The following APBA1 variants were observed in gnomAD, a reference collection of about 807,000 sequenced individuals.
APBA1 encodes amyloid-beta A4 precursor protein-binding family A member 1.
APBA1 carries 55 observed loss-of-function variants against 86.6 expected under a neutral mutation model. The observed-to-expected ratio is 0.64, with a 90% CI of 0.51 to 0.80. APBA1 has a LOEUF of 0.80. Among genes scored for constraint, APBA1 ranks in the 30% least tolerant of loss-of-function variants. The probability of loss-of-function intolerance (pLI) is 0.00; values close to 1 mark genes in which losing one functional copy is unlikely to be tolerated. For synonymous variants in APBA1, 511 were observed against 493.9 expected (o/e 1.03, Z -0.46); for missense variants, 1,090 against 1,183.0 (o/e 0.92, Z 1.15).
At position 69,636,824 on chromosome 9, in the gene APBA1, A is replaced by G. The variant is rs867219182; in HGVS notation, c.-70+35329T>C. ...AAAGAAGAGAGAGAGAGAGAGAGAG[A>G]GAGAGAGGGAGGGAGGGAGGGAGGG... On this transcript the variant is annotated intron_variant, in intron 1 of 12. Coordinates refer to ENST00000265381, the MANE Select transcript of APBA1 (RefSeq NM_001163.4). 3.9e-3 allele frequency among the ~76,000 whole-genome samples: 158 copies of G among 40,594 alleles called. 1 individual carries two copies. The highest frequency in any genetic ancestry group is 0.013 in the African/African-American group (143 of 11,098). The allele number at this position is 40,594 out of a possible 152,430, so 26.6% of individuals were successfully genotyped here.
At chr9:69,437,069 TG>T (rs916609116) in intron 11 of APBA1, among the ~76,000 whole-genome samples, 9 of 151,918 alleles carry the variant, frequency 5.9e-5, no homozygotes, top group African/African-American at 2.2e-4. Flanking sequence ...GTTTATATGA[TG>T]GATTATGTTA....
At chr9:69,566,625 G>C (rs1837030788) in intron 1 of APBA1, among the ~76,000 whole-genome samples, 1 of 152,048 alleles carries the variant, frequency 6.6e-6, no homozygotes, top group Non-Finnish European at 1.5e-5. Context: ...GCATGATTTG[G>C]CTCCTGGCTT....
chr9:69,649,642 C>T lies in APBA1; in HGVS notation c.-70+22511G>A, dbSNP rs763252905. Among the ~76,000 whole-genome samples the T allele has an allele frequency of 5.4e-4, 82 of 152,272 alleles. 1 individual carries two copies. The highest frequency in any genetic ancestry group is 9.3e-4 in the Non-Finnish European group (63 of 68,036). ...GCTCTGCTCCCATCCACCCCCGGGG[C>T]CTTGCATGGGGCTGACACACAGTTG... On this transcript the variant is annotated intron_variant, in intron 1 of 12. Transcript: ENST00000265381.
intron 2 of APBA1, among the ~76,000 whole-genome samples, chr9:69,504,046 C>A (rs3897966): frequency 2.0e-5 from 3 of 152,134 alleles, no homozygotes; most frequent in African/African-American, 7.2e-5. Flanking sequence ...TCAAACTGAA[C>A]TGAAGATAGA....
At chr9:69,501,781 T>C (rs898891428) in intron 2 of APBA1, among the ~76,000 whole-genome samples, 3 of 151,894 alleles carry the variant, frequency 2.0e-5, no homozygotes, top group African/African-American at 7.3e-5. Flanking sequence ...TGAGCTAGGA[T>C]TGTATCCTTG....
intron 1 of APBA1, among the ~76,000 whole-genome samples, chr9:69,534,133 C>T (rs1243963348): frequency 6.6e-6 from 1 of 152,140 alleles, no homozygotes; most frequent in African/African-American, 2.4e-5. Flanking sequence ...TTCTTTTCTA[C>T]CTAAAGAACA....
At chr9:69,579,639 G>C (rs1343314152) in intron 1 of APBA1, among the ~76,000 whole-genome samples, 3 of 152,202 alleles carry the variant, frequency 2.0e-5, no homozygotes, top group Non-Finnish European at 4.4e-5. Flanking sequence ...AACCCAGGCA[G>C]TCTGGATTTT....
chr9:69,556,824 A>G (rs1836868174), intron 1 of APBA1, among the ~76,000 whole-genome samples: 1 of 152,164 alleles, frequency 6.6e-6, no homozygotes, highest in African/African-American at 2.4e-5. Flanking sequence ...AAATTAGCAA[A>G]CATTCAGCTA....
chr9:69,523,518 T>TATATATAC (rs1836294911), intron 1 of APBA1, among the ~76,000 whole-genome samples: 1 of 40,596 alleles, frequency 2.5e-5, no homozygotes, highest in African/African-American at 6.7e-5. Flanking sequence ...TATATATATA[T>TATATATAC]ATATATATAT....
chr9:69,563,022 A>C (rs369406836), intron 1 of APBA1, among the ~76,000 whole-genome samples: 3 of 152,210 alleles, frequency 2.0e-5, no homozygotes, highest in African/African-American at 7.2e-5. Context: ...CTTGAACAGA[A>C]TCTAGTCATC....
intron 1 of APBA1, among the ~76,000 whole-genome samples, chr9:69,540,580 G>A (rs575570960): frequency 7.9e-5 from 12 of 151,998 alleles, no homozygotes; most frequent in Non-Finnish European, 1.8e-4. Context: ...CTCTGCTTAG[G>A]TACATTTGAC....
intron 1 of APBA1, among the ~76,000 whole-genome samples, chr9:69,621,756 T>C (rs1041600801): frequency 4.6e-5 from 7 of 152,220 alleles, no homozygotes; most frequent in African/African-American, 1.7e-4. Context: ...ATTACAACTC[T>C]TCTTTATGAA....
chr9:69,654,342 G>C (rs1823566114), intron 1 of APBA1, among the ~76,000 whole-genome samples: 1 of 152,170 alleles, frequency 6.6e-6, no homozygotes, highest in East Asian at 1.9e-4. Flanking sequence ...GCTCATTCCT[G>C]TAATCCCGAC....
intron 1 of APBA1, among the ~76,000 whole-genome samples, chr9:69,622,128 G>A (rs1431758924): frequency 6.6e-6 from 1 of 152,172 alleles, no homozygotes; most frequent in African/African-American, 2.4e-5. Context: ...ATGGGCCCCA[G>A]GAATCTGGGG....
intron 1 of APBA1, among the ~76,000 whole-genome samples, chr9:69,554,791 TA>T (rs11305616): frequency 0.57 from 86,457 of 150,756 alleles, 25,477 homozygotes; most frequent in East Asian, 0.82. Context: ...ATTTTTAGGG[TA>T]AAAAAAAAAC....
chr9:69,453,651 G>A (rs191573804), intron 8 of APBA1, among the ~76,000 whole-genome samples: 143 of 152,332 alleles, frequency 9.4e-4, no homozygotes, highest in Non-Finnish European at 1.8e-3. Context: ...CTCTGCTTCA[G>A]AATTCAAAAC....
At chr9:69,567,518 C>T (rs901143592) in intron 1 of APBA1, among the ~76,000 whole-genome samples, 1 of 152,062 alleles carries the variant, frequency 6.6e-6, no homozygotes, top group Non-Finnish European at 1.5e-5. Flanking sequence ...TGGTGTGCTG[C>T]ACCCATTAAC....
At chr9:69,435,033 A>G (rs1327234182) in intron 11 of APBA1, among the ~76,000 whole-genome samples, 2 of 144,680 alleles carry the variant, frequency 1.4e-5, no homozygotes, top group Non-Finnish European at 3.0e-5. Flanking sequence ...CCTATGAGTG[A>G]GAACATGCAG....
intron 1 of APBA1, among the ~76,000 whole-genome samples, chr9:69,558,675 G>T (rs968330158): frequency 1.2e-4 from 18 of 151,764 alleles, no homozygotes; most frequent in African/African-American, 4.1e-4. Flanking sequence ...TCGTTGTACA[G>T]ATTATTTCGT....
Sources: gnomAD v4.1 joint callset for allele counts (sites outside exome capture counted in the v4.1 genomes callset) on GRCh38, gnomAD v4.1.1 for gene constraint, MANE v1.5 for transcripts, NCBI Gene and HGNC (gene_info 2026-07-23, HGNC 2026-07-21) for gene names.